Variants in ERC2 observed in about 807,000 individuals in gnomAD.
The protein encoded by ERC2 is ERC protein 2.
ERC2 carries 42 observed loss-of-function variants against 114.8 expected under a neutral mutation model. That is an observed-to-expected ratio of 0.37 (90% CI 0.29 to 0.47). The LOEUF (loss-of-function observed/expected upper bound fraction) is 0.47, where lower values mean the gene tolerates loss of function less well. Among genes scored for constraint, ERC2 ranks in the 20% least tolerant of loss-of-function variants. The probability of loss-of-function intolerance (pLI) is 0.99; values close to 1 mark genes in which losing one functional copy is unlikely to be tolerated. For missense variants in ERC2, 939 were observed against 1,150.7 expected (o/e 0.82, Z 2.66); for synonymous variants, 454 against 425.5 (o/e 1.07, Z -0.82).
intron 6 of ERC2, among the ~76,000 whole-genome samples, chr3:56,118,636 CT>C (rs66888697): frequency 2.4e-3 from 313 of 127,872 alleles, no homozygotes; most frequent in African/African-American, 6.7e-3. Flanking sequence ...TATTCCTTTT[CT>C]TTTTTTTTTT....
intron 10 of ERC2, among the ~76,000 whole-genome samples, chr3:56,000,915 G>A (rs978726319): frequency 6.6e-6 from 1 of 151,568 alleles, no homozygotes; most frequent in African/African-American, 2.4e-5. Flanking sequence ...AAAAGTGATG[G>A]GGGAAGAAAT....
rs2055432435 is a variant in ERC2 at position 56,296,349 on chromosome 3, G to T, written c.744C>A (p.Asn248Lys). The T allele has an allele frequency of 1.2e-6, 2 of 1,614,016 alleles. No homozygotes were observed. The highest frequency in any genetic ancestry group is 1.7e-6 in the Non-Finnish European group (2 of 1,179,894). The change falls in exon 3 of 18, where the codon AAC becomes AAA. Residue 248 changes from asparagine to lysine, a missense_variant. By Grantham distance (94) the Asn-to-Lys change is moderately conservative. This residue lies in a region of ERC2 where 281 missense variants were observed against 307.4 expected (regional missense o/e 0.91). Transcript: ENST00000288221. The part of the protein sequence containing the change: ...LNHLLQQESG[N>K]RGAEHFTIEL... ...CGATGGTGAAGTGCTCCGCTCCTCG[G>T]TTGCCACTCTCTTGCTGGAGGAGGT...
chr3:56,345,319 A>G (rs1270391799), intron 2 of ERC2, among the ~76,000 whole-genome samples: 3 of 152,198 alleles, frequency 2.0e-5, no homozygotes, highest in African/African-American at 7.2e-5. Flanking sequence ...TGGAGACACA[A>G]CACTAAAAAA....
At chr3:55,917,842 A>G (rs1428047930) in intron 13 of ERC2, among the ~76,000 whole-genome samples, 1 of 152,194 alleles carries the variant, frequency 6.6e-6, no homozygotes. Flanking sequence ...TGTGGATACC[A>G]GTTATATCTT....
At chr3:56,404,950 G>T (rs544580309) in intron 2 of ERC2, among the ~76,000 whole-genome samples, 1 of 152,274 alleles carries the variant, frequency 6.6e-6, no homozygotes, top group Non-Finnish European at 1.5e-5. Flanking sequence ...ATTTGTACTG[G>T]TTTGATGGAT....
intron 3 of ERC2, among the ~76,000 whole-genome samples, chr3:56,203,375 AG>A (rs2048515886): frequency 6.6e-6 from 1 of 152,216 alleles, no homozygotes; most frequent in Non-Finnish European, 1.5e-5. Flanking sequence ...TTGGCTTAAA[AG>A]GGGTACAATT....
chr3:56,249,983 G>C (rs2052029157), intron 3 of ERC2, among the ~76,000 whole-genome samples: 1 of 148,568 alleles, frequency 6.7e-6, no homozygotes. Context: ...TCAGCCTCCT[G>C]AGTAGCTGGG....
At position 55,862,324 on chromosome 3, in the gene ERC2, G is replaced by A. The variant is rs182968693; in HGVS notation, c.2564+26065C>T. 9.9e-5 allele frequency among the ~76,000 whole-genome samples: 15 copies of A among 152,232 alleles called. 1 individual carries two copies. Among genetic ancestry groups the A allele is most frequent in the South Asian group, 4.1e-4 (2 of 4,822 alleles). Reference sequence around the variant, plus strand: ...GCCATATGACCCACTTCAGGCCAACGACATAGCAAAGGTCCTTGGAAGGGG... The same window carrying A: ...GCCATATGACCCACTTCAGGCCAACAACATAGCAAAGGTCCTTGGAAGGGG... On this transcript the variant is annotated intron_variant, in intron 14 of 17. Coordinates refer to ENST00000288221, the MANE Select transcript of ERC2 (RefSeq NM_015576.3).
At chr3:55,557,669 G>C (rs1344058140) in intron 17 of ERC2, among the ~76,000 whole-genome samples, 1 of 152,246 alleles carries the variant, frequency 6.6e-6, no homozygotes, top group Non-Finnish European at 1.5e-5. Context: ...TTTGGGAAAA[G>C]ACTGGGAGGA....
intron 2 of ERC2, among the ~76,000 whole-genome samples, chr3:56,315,474 T>C (rs2056820428): frequency 6.6e-6 from 1 of 152,222 alleles, no homozygotes; most frequent in Non-Finnish European, 1.5e-5. Context: ...GAGTAATATC[T>C]GTTTGAGATT....
chr3:55,604,543 A>G (rs537065048), intron 17 of ERC2, among the ~76,000 whole-genome samples: 26 of 152,288 alleles, frequency 1.7e-4, no homozygotes, highest in Admixed American at 7.2e-4. Context: ...AAAGAAGGCC[A>G]GTGCAGCATG....
intron 17 of ERC2, among the ~76,000 whole-genome samples, chr3:55,663,358 G>A (rs544057112): frequency 8.5e-5 from 13 of 152,348 alleles, no homozygotes; most frequent in Admixed American, 2.6e-4. Context: ...TGTCTGCAGC[G>A]CTGCCCCTTC....
chr3:56,195,354 ATTGT>A (rs2048031143), intron 3 of ERC2, among the ~76,000 whole-genome samples: 1 of 152,152 alleles, frequency 6.6e-6, no homozygotes, highest in Non-Finnish European at 1.5e-5. Context: ...AAACTTATGA[ATTGT>A]TTATTTCTGG....
intron 5 of ERC2, among the ~76,000 whole-genome samples, chr3:56,140,664 G>A (rs2080802622): frequency 6.6e-6 from 1 of 152,052 alleles, no homozygotes; most frequent in South Asian, 2.1e-4. Context: ...AGTTCACATA[G>A]CAATAATATT....
intron 14 of ERC2, among the ~76,000 whole-genome samples, chr3:55,845,402 G>A (rs562286817): frequency 7.4e-4 from 111 of 150,246 alleles, no homozygotes; most frequent in Non-Finnish European, 1.3e-3. Flanking sequence ...TGCTTGGGAG[G>A]CTGAGGCAGG....
intron 14 of ERC2, among the ~76,000 whole-genome samples, chr3:55,835,214 C>T (rs552319583): frequency 5.8e-4 from 88 of 152,026 alleles, no homozygotes; most frequent in African/African-American, 1.6e-3. Flanking sequence ...ACTATTCCAA[C>T]GAACAGAAAA....
At chr3:55,724,203 G>A (rs551263120) in intron 15 of ERC2, among the ~76,000 whole-genome samples, 8 of 152,270 alleles carry the variant, frequency 5.3e-5, no homozygotes, top group Admixed American at 5.2e-4. Flanking sequence ...TCCCCTAGTG[G>A]CAACCGGTGA....
chr3:56,124,466 T>G (rs1179456475), intron 6 of ERC2, among the ~76,000 whole-genome samples: 1 of 152,248 alleles, frequency 6.6e-6, no homozygotes, highest in Admixed American at 6.5e-5. Flanking sequence ...CTATTCACTT[T>G]TTCATAGTGG....
chr3:56,252,753 G>A (rs1364012001), intron 3 of ERC2, among the ~76,000 whole-genome samples: 39 of 38,914 alleles, frequency 1.0e-3, no homozygotes, highest in African/African-American at 4.3e-3. Context: ...GCAAAACTCT[G>A]TCTCAAAAAA....
Sources: allele counts gnomAD v4.1 joint callset (sites outside exome capture counted in the v4.1 genomes callset), GRCh38; gene constraint gnomAD v4.1.1; regional missense constraint gnomAD v4.1.1; transcripts MANE v1.5; gene names NCBI Gene and HGNC (gene_info 2026-07-23, HGNC 2026-07-21).